ZBTB20: variants seen among roughly 807,000 people sequenced by gnomAD.
The protein encoded by ZBTB20 is zinc finger and BTB domain-containing protein 20.
ZBTB20 carries 9 observed loss-of-function variants against 56.9 expected under a neutral mutation model. The ratio of observed to expected loss-of-function variants is 0.16; its 90% CI spans 0.10 to 0.28. The LOEUF (loss-of-function observed/expected upper bound fraction) is 0.28. Ranked by LOEUF, ZBTB20 falls within the 10% of genes least tolerant of loss-of-function variation. ZBTB20 has a pLI of 1.00. For missense variants in ZBTB20, 655 were observed against 1,003.0 expected (o/e 0.65, Z 4.69); for synonymous variants, 417 against 420.7 (o/e 0.99, Z 0.11).
intron 6 of ZBTB20, among the ~76,000 whole-genome samples, chr3:114,506,425 G>A (rs1222466218): frequency 6.6e-6 from 1 of 152,092 alleles, no homozygotes; most frequent in African/African-American, 2.4e-5. Flanking sequence ...ATTCTTACGG[G>A]GATAGGGTCT....
intron 5 of ZBTB20, among the ~76,000 whole-genome samples, chr3:114,749,184 T>G (rs758329903): frequency 3.9e-5 from 6 of 152,120 alleles, no homozygotes; most frequent in Non-Finnish European, 8.8e-5. Context: ...CTACTGGAGA[T>G]CTAGTCAATC....
At chr3:114,928,213 G>GGCAT (rs1474991635) in intron 3 of ZBTB20, among the ~76,000 whole-genome samples, 8 of 152,322 alleles carry the variant, frequency 5.3e-5, no homozygotes, top group African/African-American at 1.9e-4. Context: ...GGCTGGAGTA[G>GGCAT]CTTTATCTGT....
intron 3 of ZBTB20, among the ~76,000 whole-genome samples, chr3:114,972,680 T>C (rs1315565201): frequency 6.6e-6 from 1 of 152,186 alleles, no homozygotes; most frequent in East Asian, 1.9e-4. Flanking sequence ...AAATGGAAAT[T>C]ATCATGTTAA....
intron 2 of ZBTB20, among the ~76,000 whole-genome samples, chr3:114,993,055 C>T (rs1165746888): frequency 1.3e-5 from 2 of 151,916 alleles, no homozygotes; most frequent in East Asian, 1.9e-4. Flanking sequence ...AACTGATACT[C>T]TTTTGTTCAA....
At chr3:114,754,696 A>T (rs1202800159) in intron 5 of ZBTB20, among the ~76,000 whole-genome samples, 1 of 152,140 alleles carries the variant, frequency 6.6e-6, no homozygotes, top group Non-Finnish European at 1.5e-5. Context: ...TCAACATATG[A>T]CTTTGTATAT....
At chr3:114,930,364 C>T (rs1306618260) in intron 3 of ZBTB20, among the ~76,000 whole-genome samples, 2 of 152,144 alleles carry the variant, frequency 1.3e-5, no homozygotes, top group Non-Finnish European at 2.9e-5. Context: ...CCCTTATATC[C>T]TATTTTGTGC....
At chr3:115,140,493 T>C (rs2084781839) in intron 1 of ZBTB20, among the ~76,000 whole-genome samples, 1 of 152,058 alleles carries the variant, frequency 6.6e-6, no homozygotes, top group African/African-American at 2.4e-5. Flanking sequence ...TTTTCTTTTG[T>C]CTAAAGGAAG....
At chr3:114,466,338 C>T (rs2092552330) in intron 7 of ZBTB20, among the ~76,000 whole-genome samples, 1 of 152,130 alleles carries the variant, frequency 6.6e-6, no homozygotes, top group Non-Finnish European at 1.5e-5. Flanking sequence ...TCTAGTTTTA[C>T]AGATGAGACA....
intron 7 of ZBTB20, among the ~76,000 whole-genome samples, chr3:114,450,252 C>T (rs1343831678): frequency 6.6e-6 from 1 of 152,118 alleles, no homozygotes; most frequent in Non-Finnish European, 1.5e-5. Context: ...TCAGATACAG[C>T]GCATGCTCAG....
chr3:114,498,918 G>C (rs1044376958), intron 7 of ZBTB20, among the ~76,000 whole-genome samples: 1 of 152,170 alleles, frequency 6.6e-6, no homozygotes. Flanking sequence ...TGAGCCGTGC[G>C]GGCAGGAGTG....
At chr3:114,453,698 T>G (rs1440001381) in intron 7 of ZBTB20, 1 of 152,118 alleles carries the variant, frequency 6.6e-6, no homozygotes, top group African/African-American at 2.4e-5. Context: ...TTGGAAAGAT[T>G]AAAAGAGGAG....
chr3:114,516,744 C>T (rs902470774), intron 6 of ZBTB20, among the ~76,000 whole-genome samples: 6 of 152,194 alleles, frequency 3.9e-5, no homozygotes, highest in East Asian at 1.9e-4. Flanking sequence ...CATCATGTGA[C>T]GATGACGGCA....
chr3:114,808,352 A>C (rs2072273783), intron 4 of ZBTB20, among the ~76,000 whole-genome samples: 1 of 152,030 alleles, frequency 6.6e-6, no homozygotes, highest in Non-Finnish European at 1.5e-5. Flanking sequence ...TTATGAGGTT[A>C]TAATATTTGT....
chr3:114,854,763 G>T (rs185405570), intron 4 of ZBTB20, among the ~76,000 whole-genome samples: 14 of 152,212 alleles, frequency 9.2e-5, no homozygotes, highest in Admixed American at 2.0e-4. Flanking sequence ...AGTATATTTT[G>T]CTTATTTCTG....
Position 114,323,038 on chromosome 3 carries a change from A to T in ZBTB20, c.*15967T>A, listed in dbSNP as rs1471012982. On this transcript the variant is annotated 3_prime_UTR_variant, in exon 12 of 12. Coordinates refer to ENST00000675478, the MANE Select transcript of ZBTB20 (RefSeq NM_001348800.3). ...AAACTGTCACTTTGAGTTCCAGAAG[A>T]GTCCTTCAGCATCTTTACTCTTGTG... 1 of 152,190 alleles carries T rather than the reference A, an allele frequency of 6.6e-6. No individual in the cohort carries two copies. The highest frequency in any genetic ancestry group is 2.4e-5 in the African/African-American group (1 of 41,444). The allele number at this position is 152,190 out of a possible 1,614,324, so 9.4% of individuals were successfully genotyped here.
intron 3 of ZBTB20, among the ~76,000 whole-genome samples, chr3:114,965,181 T>G (rs1340608824): frequency 6.6e-6 from 1 of 152,206 alleles, no homozygotes; most frequent in African/African-American, 2.4e-5. Context: ...AAATTCTCCC[T>G]TAGTTAATAT....
At chr3:114,864,488 AT>A (rs11293835) in intron 4 of ZBTB20, among the ~76,000 whole-genome samples, 113,611 of 149,468 alleles carry the variant, frequency 0.76, 46,978 homozygotes, top group East Asian at 0.99. Flanking sequence ...AATTACAAGG[AT>A]TTTTTTTTTT....
intron 6 of ZBTB20, among the ~76,000 whole-genome samples, chr3:114,503,842 T>C (rs2044283715): frequency 6.6e-6 from 1 of 152,198 alleles, no homozygotes; most frequent in African/African-American, 2.4e-5. Context: ...ATTATAACTT[T>C]AAAGTCAATT....
Position 114,513,238 on chromosome 3 carries a change from T to C in ZBTB20, c.-294-12847A>G, listed in dbSNP as rs2045604320. On this transcript the variant is annotated intron_variant, in intron 6 of 11. Coordinates refer to ENST00000675478, the MANE Select transcript of ZBTB20 (RefSeq NM_001348800.3). ...AGTGGTGATGAAATTATAAATACCA[T>C]TATTCCACCTCTATGTTAATACTCT... 3.3e-5 allele frequency among the ~76,000 whole-genome samples: 5 copies of C among 152,202 alleles called. No homozygotes were observed. The South Asian group carries it at 1.0e-3, about 32-fold the overall frequency.
Sources: allele counts gnomAD v4.1 joint callset (sites outside exome capture counted in the v4.1 genomes callset), GRCh38; gene constraint gnomAD v4.1.1; transcripts MANE v1.5; gene names NCBI Gene and HGNC (gene_info 2026-07-23, HGNC 2026-07-21).